The following ARHGAP32 variants were observed in gnomAD, a reference collection of about 807,000 sequenced individuals.
ARHGAP32 encodes rho GTPase-activating protein 32.
A neutral mutation model predicts 186.5 loss-of-function variants in ARHGAP32; 51 were observed. That is an observed-to-expected ratio of 0.27 (90% confidence interval 0.22 to 0.35). The LOEUF (loss-of-function observed/expected upper bound fraction) is 0.35. ARHGAP32 is among the 10% of genes least tolerant of loss of function. ARHGAP32 has a pLI of 1.00. For synonymous variants in ARHGAP32, 950 were observed against 964.3 expected (o/e 0.99, Z 0.27); for missense variants, 2,186 against 2,623.5 (o/e 0.83, Z 3.64).
intron 6 of ARHGAP32, among the ~76,000 whole-genome samples, chr11:129,078,230 A>G (rs1026191369): frequency 2.6e-5 from 4 of 152,118 alleles, no homozygotes; most frequent in African/African-American, 9.7e-5. Context: ...TCCAGCTCTC[A>G]GGAAGCCCCA....
intron 1 of ARHGAP32, among the ~76,000 whole-genome samples, chr11:129,275,589 G>A (rs1185330612): frequency 6.6e-6 from 1 of 152,170 alleles, no homozygotes; most frequent in Admixed American, 6.5e-5. Flanking sequence ...CTAAATCGGG[G>A]GTTGGAAAAC....
intron 11 of ARHGAP32, among the ~76,000 whole-genome samples, chr11:129,014,889 T>C (rs1938257330): frequency 6.6e-6 from 1 of 151,762 alleles, no homozygotes; most frequent in African/African-American, 2.4e-5. Context: ...TCATTCTCAG[T>C]CTCTGTTGCA....
At chr11:129,246,911 C>T (rs1945108067) in intron 1 of ARHGAP32, among the ~76,000 whole-genome samples, 1 of 152,140 alleles carries the variant, frequency 6.6e-6, no homozygotes, top group South Asian at 2.1e-4. Context: ...AGATGTGTAT[C>T]ATAATATCAG....
intron 1 of ARHGAP32, among the ~76,000 whole-genome samples, chr11:129,176,951 G>T (rs1943929480): frequency 6.6e-6 from 1 of 151,638 alleles, no homozygotes; most frequent in Non-Finnish European, 1.5e-5. Flanking sequence ...CAGAACTGAA[G>T]GAAATAGAGA....
At chr11:128,977,173 C>T in intron 19 of ARHGAP32, among the ~76,000 whole-genome samples, 1 of 152,166 alleles carries the variant, frequency 6.6e-6, no homozygotes, top group Non-Finnish European at 1.5e-5. Flanking sequence ...ACCTTGACTT[C>T]AGACTTTGAG....
Position 128,986,061 on chromosome 11 carries a change from C to A in ARHGAP32, c.1468G>T (p.Glu490Ter). The A allele has an allele frequency of 6.2e-7, 1 of 1,606,654 alleles. No homozygotes were observed. The highest frequency in any genetic ancestry group is 1.3e-5 in the African/African-American group (1 of 74,400). Residue 490 changes from glutamate to a stop codon, truncating the protein, a stop_gained, in exon 15 of 23, where the codon GAA becomes TAA. Coordinates refer to ENST00000682385, the MANE Select transcript of ARHGAP32 (RefSeq NM_001378024.1). LOFTEE classifies it high-confidence loss of function. The stretch of plus-strand genomic sequence containing the variant: ...TCGTGGATTTTTATCAGCCTTTCTT[C>A]ATCTGTTGCTGCTGAAACTGCATCC... Reference protein sequence around the residue: ...FSDAVSAATDEERLIKIHDVI... With the variant: ...FSDAVSAATD
chr11:129,083,349 T>C (rs1941280659), intron 6 of ARHGAP32, among the ~76,000 whole-genome samples: 2 of 151,998 alleles, frequency 1.3e-5, no homozygotes, highest in Admixed American at 6.6e-5. Flanking sequence ...TATCAATGAG[T>C]AGATAAAGAA....
chr11:129,247,317 A>G (rs1945114440), intron 1 of ARHGAP32, among the ~76,000 whole-genome samples: 1 of 152,196 alleles, frequency 6.6e-6, no homozygotes, highest in Admixed American at 6.5e-5. Flanking sequence ...GCCAGCAGTG[A>G]TAAGATCTTA....
intron 6 of ARHGAP32, among the ~76,000 whole-genome samples, chr11:129,078,717 T>A (rs894443876): frequency 2.0e-5 from 3 of 152,034 alleles, no homozygotes; most frequent in Non-Finnish European, 4.4e-5. Context: ...GGTCTCAAAC[T>A]CCTAACCTCA....
intron 3 of ARHGAP32, 115 bp from the exon 4 acceptor site, chr11:129,124,044 C>A: frequency 1.8e-6 from 1 of 565,254 alleles, no homozygotes; most frequent in Admixed American, 3.7e-5. Context: ...TGATTACTTT[C>A]AGGTACACGA....
chr11:128,987,231 G>A lies in ARHGAP32; in HGVS notation c.1299-563C>T, dbSNP rs189786198. Among the ~76,000 whole-genome samples the A allele has an allele frequency of 1.2e-4, 19 of 152,296 alleles. No individual in the cohort carries two copies. In the East Asian group the frequency reaches 3.5e-3, roughly 28 times the overall value. Reference sequence around the variant, plus strand: ...AAGTTGTACGCAGAATAGTAAGGCAGAGTAAGCTCACTCTCCAGGAGGTTA... The same window carrying A: ...AAGTTGTACGCAGAATAGTAAGGCAAAGTAAGCTCACTCTCCAGGAGGTTA... On this transcript the variant is annotated intron_variant, in intron 13 of 22. Transcript: ENST00000682385.
intron 1 of ARHGAP32, among the ~76,000 whole-genome samples, chr11:129,275,078 C>T (rs1459480235): frequency 2.6e-5 from 4 of 152,184 alleles, no homozygotes; most frequent in African/African-American, 9.7e-5. Flanking sequence ...AATAAAAATA[C>T]ACTACAGCAT....
In ARHGAP32 at chr11:128,974,118, C is replaced by T. The variant is rs756994543; in HGVS notation, c.3073+6G>A. The T allele has an allele frequency of 2.2e-5, 36 of 1,611,952 alleles. No homozygotes were observed. Among genetic ancestry groups the T allele is most frequent in the South Asian group, 2.0e-4 (18 of 90,702 alleles). ...TAAAGAAAGAATGGAGGAAAACAAA[C>T]GGTACCTGTCTGAGTCTGTCCAGAA... On this transcript the variant is annotated splice_donor_region_variant and intron_variant, in intron 21 of 22. Coordinates refer to ENST00000682385, the MANE Select transcript of ARHGAP32 (RefSeq NM_001378024.1).
At chr11:129,086,800 G>A (rs1269837243) in intron 6 of ARHGAP32, among the ~76,000 whole-genome samples, 29 of 134,844 alleles carry the variant, frequency 2.2e-4, no homozygotes, top group African/African-American at 6.5e-4. Flanking sequence ...CAGCCTGGGC[G>A]ACAGAGTGAG....
chr11:129,024,941 A>T (rs1210807328), intron 11 of ARHGAP32, among the ~76,000 whole-genome samples: 2 of 152,234 alleles, frequency 1.3e-5, no homozygotes, highest in African/African-American at 2.4e-5. Flanking sequence ...CTACTAAATA[A>T]TAATACTGAA....
chr11:128,972,122 A>G (rs1945393100), intron 22 of ARHGAP32: 1 of 167,182 alleles, frequency 6.0e-6, no homozygotes, highest in Non-Finnish European at 1.3e-5. Flanking sequence ...AAAAATAAGA[A>G]AAAGCAACCC....
At chr11:129,200,504 T>C (rs972829225) in intron 1 of ARHGAP32, among the ~76,000 whole-genome samples, 3 of 152,212 alleles carry the variant, frequency 2.0e-5, no homozygotes, top group African/African-American at 7.2e-5. Flanking sequence ...TTCTTTCTCT[T>C]GTCTGCTCCC....
chr11:129,248,359 C>T (rs1945132332), intron 1 of ARHGAP32, among the ~76,000 whole-genome samples: 1 of 152,108 alleles, frequency 6.6e-6, no homozygotes, highest in African/African-American at 2.4e-5. Flanking sequence ...GAATGACTTC[C>T]TTGCGATGCG....
At chr11:128,986,825 C>T (rs1279679273) in intron 13 of ARHGAP32, among the ~76,000 whole-genome samples, 157 bp from the exon 14 acceptor site, 1 of 152,178 alleles carries the variant, frequency 6.6e-6, no homozygotes, top group African/African-American at 2.4e-5. Context: ...TGTGTTTGGA[C>T]TTCAGCAACA....
Sources: gnomAD v4.1 joint callset for allele counts (sites outside exome capture counted in the v4.1 genomes callset) on GRCh38, gnomAD v4.1.1 for gene constraint, MANE v1.5 for transcripts, NCBI Gene and HGNC (gene_info 2026-07-23, HGNC 2026-07-21) for gene names.